VANGL2: variants seen among roughly 807,000 people sequenced by gnomAD.
The protein encoded by VANGL2 is VANGL planar cell polarity protein 2.
A neutral mutation model predicts 50.2 loss-of-function variants in VANGL2; 14 were observed. The ratio of observed to expected loss-of-function variants is 0.28; its 90% CI spans 0.18 to 0.44. The LOEUF (loss-of-function observed/expected upper bound fraction) is 0.44, where lower values mean the gene tolerates loss of function less well. VANGL2 is among the 20% of genes least tolerant of loss of function. The pLI is 1.00. For missense variants in VANGL2, 533 were observed against 701.5 expected, an observed-to-expected ratio of 0.76 and a Z score of 2.71; for synonymous variants, 295 against 297.2, an observed-to-expected ratio of 0.99 and a Z score of 0.08.
At chr1:160,424,365 C>A in intron 7 of VANGL2, 82 bp downstream of exon 7, 1 of 1,339,400 alleles carries the variant, frequency 7.5e-7, no homozygotes, top group Non-Finnish European at 1.1e-6. Flanking sequence ...TATTCTCTCA[C>A]TACTTTCCTC....
chr1:160,412,395 C>A (rs916739252), intron 1 of VANGL2, among the ~76,000 whole-genome samples: 2 of 152,038 alleles, frequency 1.3e-5, no homozygotes, highest in African/African-American at 2.4e-5. Context: ...GCCTTTGAGC[C>A]TCCTAGCAAA....
At chr1:160,407,804 C>T (rs1287492943) in intron 1 of VANGL2, among the ~76,000 whole-genome samples, 4 of 152,186 alleles carry the variant, frequency 2.6e-5, no homozygotes, top group Non-Finnish European at 5.9e-5. Context: ...CACAGCTCAC[C>T]TGGTGGGCAG....
At chr1:160,423,911 A>G (rs1651355945) in intron 6 of VANGL2, 141 bp from the exon 7 acceptor site, 4 of 904,610 alleles carry the variant, frequency 4.4e-6, no homozygotes, top group Non-Finnish European at 7.0e-6. Context: ...GAAAGGCACT[A>G]TTGCCTCTGG....
At position 160,426,606 on chromosome 1, in the gene VANGL2, TC is replaced by T. The variant is rs1453563752; in HGVS notation, c.*1230del. 1 of 152,612 alleles carries T rather than the reference TC, an allele frequency of 6.6e-6. No individual in the cohort carries two copies. Among genetic ancestry groups the T allele is most frequent in the Non-Finnish European group, 1.5e-5 (1 of 68,032 alleles). 9.5% of individuals were successfully genotyped at this position (152,612 alleles called of 1,614,324 possible). ...CTTCACCCCTCACCCCATTTTAGCT[TC>T]CATAGTCTTTGCACCAAATCCAAAT... is the stretch of plus-strand genomic sequence containing the variant. On this transcript the variant is annotated 3_prime_UTR_variant, in exon 8 of 8. Transcript: ENST00000368061.
chr1:160,415,804 C>T lies in VANGL2; in HGVS notation c.-34C>T, dbSNP rs756360860. On this transcript the variant is annotated 5_prime_UTR_variant, in exon 2 of 8. Coordinates refer to ENST00000368061, the MANE Select transcript of VANGL2 (RefSeq NM_020335.3). Reference sequence around the variant, plus strand: ...CCCCCAAGAGGCCCCAGCCTGCGGCCCTGGAGCGCTACAAGGCGCGGCGTT... The same window carrying T: ...CCCCCAAGAGGCCCCAGCCTGCGGCTCTGGAGCGCTACAAGGCGCGGCGTT... 4 of 1,603,726 alleles carry T rather than the reference C, an allele frequency of 2.5e-6. No individual in the cohort carries two copies. The highest frequency in any genetic ancestry group is 1.1e-5 in the South Asian group (1 of 89,360).
Position 160,416,144 on chromosome 1 carries a change from C to A in VANGL2, c.154C>A (p.Pro52Thr). 6.2e-7 allele frequency: 1 copy of A among 1,614,184 alleles called. No individual in the cohort carries two copies. The highest frequency in any genetic ancestry group is 8.5e-7 in the Non-Finnish European group (1 of 1,180,020). ...GGTGACAATCCAGGCTCCCGGGGAG[C>A]CCCTGCTGGACAATGAGTCCACACG... Reference protein sequence around the residue: ...KSVTIQAPGEPLLDNESTRGD... With the variant: ...KSVTIQAPGETLLDNESTRGD... The change falls in exon 3 of 8, where the codon CCC becomes ACC. Residue 52 changes from proline to threonine, a missense_variant. Coordinates refer to ENST00000368061, the MANE Select transcript of VANGL2 (RefSeq NM_020335.3).
Position 160,425,431 on chromosome 1 carries a change from A to ACCCCGGGGGGGCCCGGGGGGGGGGGGT in VANGL2, c.*53_*54insCCCCGGGGGGGCCCGGGGGGGGGGGGT. ...CTCTGGGGGGTCCTGAGGGGGTGGGAGGGGGCTTGGTTCTCAGGCCCAGCC... is the reference window on the plus strand; with the variant it reads ...CTCTGGGGGGTCCTGAGGGGGTGGGACCCCGGGGGGGCCCGGGGGGGGGGGGTGGGGGCTTGGTTCTCAGGCCCAGCC... On this transcript the variant is annotated 3_prime_UTR_variant, in exon 8 of 8. Coordinates refer to ENST00000368061, the MANE Select transcript of VANGL2 (RefSeq NM_020335.3). 1 of 189,358 alleles carries ACCCCGGGGGGGCCCGGGGGGGGGGGGT rather than the reference A, an allele frequency of 5.3e-6. No homozygotes were observed. Among genetic ancestry groups the ACCCCGGGGGGGCCCGGGGGGGGGGGGT allele is most frequent in the East Asian group, 9.7e-5 (1 of 10,310 alleles). The allele number at this position is 189,358 out of a possible 1,614,324, so 11.7% of individuals were successfully genotyped here.
chr1:160,420,920 G>C (rs147249837), intron 5 of VANGL2, 132 bp from the exon 6 acceptor site: 4 of 1,369,392 alleles, frequency 2.9e-6, no homozygotes, highest in Non-Finnish European at 4.0e-6. Context: ...GGAGGGTTGG[G>C]ATTAGGAGGT....
At chr1:160,409,220 A>G (rs1650792322) in intron 1 of VANGL2, among the ~76,000 whole-genome samples, 1 of 152,258 alleles carries the variant, frequency 6.6e-6, no homozygotes, top group South Asian at 2.1e-4. Context: ...TCTCACTCCA[A>G]GAGGAGCACT....
rs539530396 is a variant in VANGL2, at chr1:160,424,644, C to T, written c.1305+361C>T. On this transcript the variant is annotated intron_variant, in intron 7 of 7. Transcript: ENST00000368061. The stretch of plus-strand genomic sequence containing the variant: ...CTTTGTGTCATTTTGAGCCATTGCC[C>T]ACCTTCAACTCTATTGCCAGCTTCC... Among the ~76,000 whole-genome samples the T allele has an allele frequency of 3.9e-5, 6 of 152,324 alleles. No homozygotes were observed. The South Asian group carries it at 1.2e-3, about 32-fold the overall frequency.
chr1:160,416,032 T>C (rs570956065), intron 2 of VANGL2, 30 bp from the exon 3 acceptor site: 1 of 1,614,114 alleles, frequency 6.2e-7, no homozygotes, highest in East Asian at 2.2e-5. Context: ...CCACTGGACT[T>C]TCTGTGCCTT....
chr1:160,419,588 T>A lies in VANGL2; in HGVS notation c.779T>A (p.Phe260Tyr). Reference protein sequence around the residue: ...VVRSTDGASRFYNVGHLSIQR... With the variant: ...VVRSTDGASRYYNVGHLSIQR... ...CGCTCCACCGACGGCGCCAGCCGCT[T>A]CTACAACGTTGGCCATCTCAGGTAC... is the stretch of plus-strand genomic sequence containing the variant. Residue 260 changes from phenylalanine (F) to tyrosine (Y), a missense_variant, in exon 4 of 8, where the codon TTC becomes TAC. Coordinates refer to ENST00000368061, the MANE Select transcript of VANGL2 (RefSeq NM_020335.3). The surrounding 1 kb of genome is among the most constrained non-coding windows in gnomAD (Gnocchi z 5.8). 6.3e-7 allele frequency: 1 copy of A among 1,599,460 alleles called. No individual in the cohort carries two copies. The highest frequency in any genetic ancestry group is 8.5e-7 in the Non-Finnish European group (1 of 1,179,880).
chr1:160,416,695 A>T (rs1397790247), intron 3 of VANGL2, among the ~76,000 whole-genome samples: 1 of 152,078 alleles, frequency 6.6e-6, no homozygotes, highest in Non-Finnish European at 1.5e-5. Flanking sequence ...AGGCTGAGGG[A>T]TGGAGCAGGG....
At position 160,428,530 on chromosome 1, in the gene VANGL2, T is replaced by A. The variant is rs895499963; in HGVS notation, c.*3152T>A. 4 of 152,402 alleles carry A rather than the reference T, an allele frequency of 2.6e-5. No individual in the cohort carries two copies. The highest frequency in any genetic ancestry group is 4.4e-5 in the Non-Finnish European group (3 of 67,956). The allele number at this position is 152,402 out of a possible 1,614,324, so 9.4% of individuals were successfully genotyped here. A position where few individuals can be genotyped will look rare whatever the true frequency, so the allele number is the denominator to read the frequency against. ...CATGTAGAAAATTGTAAAATGTAAA[T>A]TTTTTTTAATATATAAAAAGCTTGT... On this transcript the variant is annotated 3_prime_UTR_variant, in exon 8 of 8. Coordinates refer to ENST00000368061, the MANE Select transcript of VANGL2 (RefSeq NM_020335.3).
intron 1 of VANGL2, among the ~76,000 whole-genome samples, chr1:160,415,249 T>G (rs1316329065): frequency 6.6e-6 from 1 of 152,214 alleles, no homozygotes; most frequent in African/African-American, 2.4e-5. Flanking sequence ...CGCTCCTTTC[T>G]GCTCTCTGAG....
rs1370985773 is a variant in VANGL2 at position 160,424,163 on chromosome 1, T to A, written c.1185T>A (p.Phe395Leu). The A allele has an allele frequency of 6.2e-7, 1 of 1,614,190 alleles. No homozygotes were observed. The highest frequency in any genetic ancestry group is 8.5e-7 in the Non-Finnish European group (1 of 1,180,034). ...MDPREAAQAI[F>L]ASMARAMQKY... ...CCCGGGAGGCAGCCCAAGCCATCTT[T>A]GCATCCATGGCCCGTGCCATGCAGA... Residue 395 changes from phenylalanine (F) to leucine (L), a missense_variant, in exon 7 of 8, where the codon TTT (phenylalanine) becomes TTA (leucine). Transcript: ENST00000368061.
Position 160,419,039 on chromosome 1 carries a change from G to T in VANGL2, c.230G>T (p.Gly77Val). The change falls in exon 4 of 8, where the codon GGC (glycine) becomes GTC (valine). Residue 77 changes from glycine to valine, a missense_variant. Transcript: ENST00000368061. The surrounding 1 kb of genome is among the most constrained non-coding windows in gnomAD (Gnocchi z 5.8). ...NWGETTTVVT[G>V]TSEHSISHDD... ...GGGGAAACGACGACAGTAGTAACGG[G>T]CACCTCAGAGCACAGCATCTCCCAT... 1 of 1,609,922 alleles carries T rather than the reference G, an allele frequency of 6.2e-7. No homozygotes were observed. Among genetic ancestry groups the T allele is most frequent in the Non-Finnish European group, 8.5e-7 (1 of 1,176,764 alleles).
chr1:160,425,490 T>C lies in VANGL2; in HGVS notation c.*112T>C, dbSNP rs1447394470. ...GCCACCCTTCTTCTTCTTGCTCTTT[T>C]TTTTTTACTTGAATTAACGCACCCC... On this transcript the variant is annotated 3_prime_UTR_variant, in exon 8 of 8. Coordinates refer to ENST00000368061, the MANE Select transcript of VANGL2 (RefSeq NM_020335.3). 9.2e-7 allele frequency: 1 copy of C among 1,089,526 alleles called. No homozygotes were observed. The highest frequency in any genetic ancestry group is 1.3e-6 in the Non-Finnish European group (1 of 777,612). The allele number at this position is 1,089,526 out of a possible 1,614,324, so 67.5% of individuals were successfully genotyped here.
At position 160,425,426 on chromosome 1, in the gene VANGL2, G is replaced by A; in HGVS notation, c.*48G>A. 3.3e-6 allele frequency: 4 copies of A among 1,229,742 alleles called. No homozygotes were observed. The highest frequency in any genetic ancestry group is 4.3e-6 in the Non-Finnish European group (4 of 920,120). 76.2% of individuals were successfully genotyped at this position (1,229,742 alleles called of 1,614,324 possible). ...GGAAACTCTGGGGGGTCCTGAGGGG[G>A]TGGGAGGGGGCTTGGTTCTCAGGCC... On this transcript the variant is annotated 3_prime_UTR_variant, in exon 8 of 8. Coordinates refer to ENST00000368061, the MANE Select transcript of VANGL2 (RefSeq NM_020335.3).
Sources: allele counts gnomAD v4.1 joint callset (sites outside exome capture counted in the v4.1 genomes callset), GRCh38; gene constraint gnomAD v4.1.1; non-coding constraint Gnocchi (gnomAD v3.1); transcripts MANE v1.5; gene names NCBI Gene and HGNC (gene_info 2026-07-23, HGNC 2026-07-21).